ZFR: variants seen among roughly 807,000 people sequenced by gnomAD.
ZFR encodes zinc finger RNA-binding protein.
ZFR carries 19 observed loss-of-function variants against 130.7 expected under a neutral mutation model. The observed-to-expected ratio is 0.15, with a 90% CI of 0.10 to 0.21. The LOEUF (loss-of-function observed/expected upper bound fraction) is 0.21. ZFR is among the 10% of genes least tolerant of loss of function. The probability of loss-of-function intolerance (pLI) is 1.00; values close to 1 mark genes in which losing one functional copy is unlikely to be tolerated. For missense variants in ZFR, 872 were observed against 1,321.5 expected (o/e 0.66, Z 5.27); for synonymous variants, 466 against 456.9 (o/e 1.02, Z -0.25).
At chr5:32,410,640 A>G (rs1344971995) in intron 5 of ZFR, among the ~76,000 whole-genome samples, 3 of 152,128 alleles carry the variant, frequency 2.0e-5, no homozygotes, top group African/African-American at 7.2e-5. Context: ...CTATGATATT[A>G]GAAGAGCTGG....
At chr5:32,439,804 T>TTA (rs71598944) in intron 2 of ZFR, among the ~76,000 whole-genome samples, 86 of 72,454 alleles carry the variant, frequency 1.2e-3, no homozygotes, top group African/African-American at 3.4e-3. Context: ...ACCATGTCTT[T>TTA]AAAAAAAAAA....
intron 11 of ZFR, among the ~76,000 whole-genome samples, chr5:32,393,129 G>T (rs1753219410): frequency 6.6e-6 from 1 of 152,160 alleles, no homozygotes; most frequent in African/African-American, 2.4e-5. Context: ...TGAGAATCTT[G>T]CTGCCTTCTG....
At chr5:32,393,026 A>C (rs552260297) in intron 11 of ZFR, among the ~76,000 whole-genome samples, 1 of 152,318 alleles carries the variant, frequency 6.6e-6, no homozygotes, top group African/African-American at 2.4e-5. Flanking sequence ...ATAAATACTA[A>C]AGACACTTAC....
intron 2 of ZFR, among the ~76,000 whole-genome samples, chr5:32,422,709 A>T (rs1753982980): frequency 7.1e-6 from 1 of 141,186 alleles, no homozygotes; most frequent in South Asian, 2.4e-4. Context: ...CTGAGGTGGG[A>T]GGATCGCTTG....
chr5:32,392,518 A>C (rs1261864468), intron 11 of ZFR, among the ~76,000 whole-genome samples: 1 of 152,248 alleles, frequency 6.6e-6, no homozygotes, highest in Non-Finnish European at 1.5e-5. Flanking sequence ...AGAAAAAACA[A>C]GCAATTTACC....
In ZFR at chr5:32,388,501, CT is replaced by C; in HGVS notation, c.2315del (p.Glu772GlyfsTer14). The C allele has an allele frequency of 6.2e-7, 1 of 1,613,998 alleles. No homozygotes were observed. ...LSEHEKNKNK[E>X]GDDKKEGGKD... is the part of the protein sequence containing the mutation. ...TACCTCCCTCTTTCTTATCATCTCC[CT>C]CTTTGTTCTTGTTCTTCTCATGTTC... On this transcript the variant is annotated frameshift_variant, in exon 13 of 20. Transcript: ENST00000265069. LOFTEE classifies it high-confidence loss of function.
At chr5:32,432,585 C>T (rs1754249897) in intron 2 of ZFR, among the ~76,000 whole-genome samples, 2 of 152,104 alleles carry the variant, frequency 1.3e-5, no homozygotes, top group African/African-American at 4.8e-5. Flanking sequence ...TCCCCTCAGC[C>T]TCCCAAAGTG....
chr5:32,380,404 C>T (rs949872069), intron 15 of ZFR: 15 of 362,942 alleles, frequency 4.1e-5, no homozygotes, highest in Admixed American at 2.3e-4. Flanking sequence ...ATAAACCCTA[C>T]CCACCAAAAC....
chr5:32,358,049 T>C (rs1193495234), intron 19 of ZFR, among the ~76,000 whole-genome samples: 2 of 152,244 alleles, frequency 1.3e-5, no homozygotes, highest in Non-Finnish European at 2.9e-5. Context: ...TCTCTTGTAT[T>C]TCCAATTCCA....
chr5:32,383,717 T>G (rs1311521948), intron 15 of ZFR: 1 of 456,222 alleles, frequency 2.2e-6, no homozygotes, highest in South Asian at 1.6e-5. Flanking sequence ...TAAATGATTT[T>G]AAGACACAGA....
intron 14 of ZFR, 44 bp from the exon 15 acceptor site, chr5:32,385,693 TAACA>T (rs1288019513): frequency 6.2e-7 from 1 of 1,603,850 alleles, no homozygotes; most frequent in Admixed American, 1.7e-5. Flanking sequence ...TCTGTTGTAT[TAACA>T]AACAAAAGCA....
Position 32,444,322 on chromosome 5 carries a change from C to G in ZFR, c.44G>C (p.Ser15Thr). ...CATTTTGGCATCTTCCCCCAGCCGG[C>G]TGGGCACTGCGGCGGGCACGAAGAG... ...CPVVSFTYVP[S>T]RLGEDAKMAT... is the part of the protein sequence containing the mutation. The change falls in exon 2 of 20, where the codon AGC becomes ACC. Residue 15 changes from serine (S) to threonine (T), a missense_variant. Ser to Thr is a moderately conservative substitution (Grantham distance 58). Coordinates refer to ENST00000265069, the MANE Select transcript of ZFR (RefSeq NM_016107.5). 3 of 1,539,312 alleles carry G rather than the reference C, an allele frequency of 1.9e-6. No individual in the cohort carries two copies. The highest frequency in any genetic ancestry group is 2.6e-6 in the Non-Finnish European group (3 of 1,141,748).
chr5:32,444,473 C>G lies in ZFR; in HGVS notation c.38-145G>C, dbSNP rs533851353. ...CCAGGCCGCGGCCGCGCCGCCTCCC[C>G]CTCCCGCCTCGCACTCCCTCACTCA... is the stretch of plus-strand genomic sequence containing the variant. On this transcript the variant is annotated intron_variant, in intron 1 of 19. Transcript: ENST00000265069. 1.9e-5 allele frequency: 25 copies of G among 1,284,846 alleles called. No homozygotes were observed. In the African/African-American group the frequency reaches 2.7e-4, roughly 14 times the overall value. 79.6% of individuals were successfully genotyped at this position (1,284,846 alleles called of 1,614,324 possible). A position where few individuals can be genotyped will look rare whatever the true frequency, so the allele number is the denominator to read the frequency against.
In ZFR at chr5:32,354,478, G is replaced by A. The variant is rs1263952690; in HGVS notation, c.*1282C>T. ...CATTTTTTGTGTATTTCACTGTAGT[G>A]CTGTGACAACAAAATGACATCTGTG... On this transcript the variant is annotated 3_prime_UTR_variant, in exon 20 of 20. Coordinates refer to ENST00000265069, the MANE Select transcript of ZFR (RefSeq NM_016107.5). 2 of 152,682 alleles carry A rather than the reference G, an allele frequency of 1.3e-5. No individual in the cohort carries two copies. The highest frequency in any genetic ancestry group is 3.9e-4 in the East Asian group (2 of 5,188). 9.5% of individuals were successfully genotyped at this position (152,682 alleles called of 1,614,324 possible).
At chr5:32,415,507 TGTGTGTGTGC>T (rs774300703) in intron 4 of ZFR, among the ~76,000 whole-genome samples, 11 of 93,500 alleles carry the variant, frequency 1.2e-4, no homozygotes, top group African/African-American at 4.8e-4. Context: ...TGTGTGTGTG[TGTGTGTGTGC>T]GCGCGCGCGC....
intron 10 of ZFR, among the ~76,000 whole-genome samples, chr5:32,395,723 G>A (rs566396282): frequency 9.2e-5 from 14 of 152,256 alleles, no homozygotes; most frequent in African/African-American, 3.4e-4. Flanking sequence ...TGATGAGGAT[G>A]AAGACCTTTA....
intron 15 of ZFR, among the ~76,000 whole-genome samples, chr5:32,383,538 A>G (rs774446979): frequency 2.0e-5 from 3 of 152,220 alleles, no homozygotes; most frequent in Non-Finnish European, 4.4e-5. Flanking sequence ...TTATTTGGAC[A>G]ATGTAATCAT....
intron 5 of ZFR, among the ~76,000 whole-genome samples, chr5:32,414,348 T>C (rs953824219): frequency 6.6e-6 from 1 of 152,220 alleles, no homozygotes; most frequent in Non-Finnish European, 1.5e-5. Flanking sequence ...ATGTGTGATC[T>C]TAATCACTGT....
rs545087736 is a variant in ZFR, at chr5:32,417,622, A to G, written c.565+26T>C. ...TCATATACTTCAATAGTTTACAAAG[A>G]AACTCTGTAGGTTAAGAAAACCCAC... On this transcript the variant is annotated intron_variant, in intron 4 of 19. Coordinates refer to ENST00000265069, the MANE Select transcript of ZFR (RefSeq NM_016107.5). The G allele has an allele frequency of 5.0e-5, 81 of 1,609,120 alleles. 1 individual carries two copies. The South Asian group carries it at 8.8e-4, about 17-fold the overall frequency.
Sources: gnomAD v4.1 joint callset for allele counts (sites outside exome capture counted in the v4.1 genomes callset) on GRCh38, gnomAD v4.1.1 for gene constraint, MANE v1.5 for transcripts, NCBI Gene and HGNC (gene_info 2026-07-23, HGNC 2026-07-21) for gene names.